The following RESF1 variants were observed in gnomAD, a reference collection of about 807,000 sequenced individuals.
RESF1 encodes retroelement silencing factor 1, also known as gonad expressed transcript.
RESF1 carries 65 observed loss-of-function variants against 134.7 expected under a neutral mutation model. The observed-to-expected ratio is 0.48, with a 90% CI of 0.40 to 0.59. The LOEUF (loss-of-function observed/expected upper bound fraction) is 0.59. RESF1 is among the 20% of genes least tolerant of loss of function. The probability of loss-of-function intolerance (pLI) is 0.00; values close to 1 mark genes in which losing one functional copy is unlikely to be tolerated. For missense variants in RESF1, 2,274 were observed against 2,002.7 expected, an observed-to-expected ratio of 1.14 and a Z score of -2.59; for synonymous variants, 762 against 702.2, an observed-to-expected ratio of 1.09 and a Z score of -1.35.
chr12:31,983,860 A>G lies in RESF1; in HGVS notation c.2905A>G (p.Ile969Val). The G allele has an allele frequency of 6.2e-7, 1 of 1,613,522 alleles. No individual in the cohort carries two copies. Among genetic ancestry groups the G allele is most frequent in the Non-Finnish European group, 8.5e-7 (1 of 1,179,958 alleles). The change falls in exon 4 of 6, where the codon ATA (isoleucine) becomes GTA (valine). Residue 969 changes from isoleucine (I) to valine (V), a missense_variant. By Grantham distance (29) the Ile-to-Val change is conservative. Coordinates refer to ENST00000312561, the MANE Select transcript of RESF1 (RefSeq NM_018169.4). ...PVQCTDVSHK[I>V]CDQSKSEPPL... ...ACAGTGCACAGATGTTTCACATAAA[A>G]TATGTGATCAGTCAAAGTCAGAGCC...
chr12:31,979,759 G>GT (rs1939731589), intron 3 of RESF1, among the ~76,000 whole-genome samples: 1 of 150,254 alleles, frequency 6.7e-6, no homozygotes, highest in East Asian at 2.0e-4. Context: ...GTTTCACTAT[G>GT]TTTCCCAGGC....
At chr12:31,979,478 A>G (rs1373329613) in intron 3 of RESF1, among the ~76,000 whole-genome samples, 2 of 152,136 alleles carry the variant, frequency 1.3e-5, no homozygotes, top group Non-Finnish European at 2.9e-5. Flanking sequence ...CTACCTTCCC[A>G]GCACTTCAGT....
Position 31,992,098 on chromosome 12 carries a change from A to AT in RESF1, c.5087-276dup, listed in dbSNP as rs554908207. ...TCATACTAATGATATGCAATGATAC[A>AT]TTTTATTGAGCCAAGAGTAAGGTAG... On this transcript the variant is annotated intron_variant, in intron 5 of 5. Transcript: ENST00000312561. 4.0e-4 allele frequency among the ~76,000 whole-genome samples: 61 copies of AT among 152,338 alleles called. 1 individual carries two copies. The highest frequency in any genetic ancestry group is 7.1e-4 in the Non-Finnish European group (48 of 68,030).
chr12:31,977,178 AG>A (rs1194539593), intron 3 of RESF1, among the ~76,000 whole-genome samples: 1 of 152,058 alleles, frequency 6.6e-6, no homozygotes, highest in Non-Finnish European at 1.5e-5. Flanking sequence ...GAGGGCATAA[AG>A]ATATTCTCAT....
In RESF1 at chr12:31,992,781, T is replaced by G. The variant is rs1344668189; in HGVS notation, c.*246T>G. The G allele has an allele frequency of 2.2e-6, 1 of 456,368 alleles. No individual in the cohort carries two copies. The highest frequency in any genetic ancestry group is 2.0e-5 in the African/African-American group (1 of 50,334). 28.3% of individuals were successfully genotyped at this position (456,368 alleles called of 1,614,324 possible). A position where few individuals can be genotyped will look rare whatever the true frequency, so the allele number is the denominator to read the frequency against. ...GAATTTCTACTTTATTGAACCAGAT[T>G]TACCATTATTTTAAAAGGAATGCTT... is the stretch of plus-strand genomic sequence containing the variant. On this transcript the variant is annotated 3_prime_UTR_variant, in exon 6 of 6. Transcript: ENST00000312561.
chr12:31,979,434 A>G (rs1206330440), intron 3 of RESF1, among the ~76,000 whole-genome samples: 1 of 152,228 alleles, frequency 6.6e-6, no homozygotes, highest in African/African-American at 2.4e-5. Context: ...CCAACTGGCT[A>G]TAAAGCAAAC....
chr12:31,988,928 A>C (rs1477505985), intron 5 of RESF1, among the ~76,000 whole-genome samples: 1 of 151,732 alleles, frequency 6.6e-6, no homozygotes, highest in African/African-American at 2.4e-5. Context: ...TCCTGAACTC[A>C]GGTGATCCAC....
chr12:31,985,911 G>A lies in RESF1; in HGVS notation c.4956G>A (p.Arg1652=). Residue 1652 remains arginine, a synonymous_variant, in exon 4 of 6, where the codon CGG becomes CGA. Transcript: ENST00000312561. The part of the protein sequence containing the change: ...LLKNTNSVEE[R]KDVKPHPRKE... Reference sequence around the variant, plus strand: ...AGAATACAAACTCTGTGGAAGAACGGAAGGATGTAAAGCCTCATCCTAGGA... The same window carrying A: ...AGAATACAAACTCTGTGGAAGAACGAAAGGATGTAAAGCCTCATCCTAGGA... 1 of 1,510,804 alleles carries A rather than the reference G, an allele frequency of 6.6e-7. No individual in the cohort carries two copies. The highest frequency in any genetic ancestry group is 8.8e-7 in the Non-Finnish European group (1 of 1,137,610). The allele number at this position is 1,510,804 out of a possible 1,614,324, so 93.6% of individuals were successfully genotyped here.
chr12:31,981,637 G>C lies in RESF1; in HGVS notation c.682G>C (p.Asp228His), dbSNP rs1042914009. 6.2e-7 allele frequency: 1 copy of C among 1,614,004 alleles called. No homozygotes were observed. Among genetic ancestry groups the C allele is most frequent in the Admixed American group, 1.7e-5 (1 of 59,998 alleles). The change falls in exon 4 of 6, where the codon GAT becomes CAT. Residue 228 changes from aspartate to histidine, a missense_variant. Transcript: ENST00000312561. ...TTACTCACCACAAAGCTTTTTACCA[G>C]ATTCTACCATTCAAAAACAAAACTT... The part of the protein sequence containing the change: ...YRYSPQSFLP[D>H]STIQKQNFIP...
At chr12:31,979,592 G>A (rs2120836679) in intron 3 of RESF1, among the ~76,000 whole-genome samples, 1 of 152,122 alleles carries the variant, frequency 6.6e-6, no homozygotes, top group South Asian at 2.1e-4. Context: ...GGCTGGAGTG[G>A]AGTGGTGCCA....
intron 2 of RESF1, among the ~76,000 whole-genome samples, 172 bp downstream of exon 2, chr12:31,961,043 A>G (rs914457990): frequency 5.9e-5 from 9 of 152,232 alleles, no homozygotes; most frequent in Non-Finnish European, 8.8e-5. Context: ...TTGAGAAGAA[A>G]TGTTGTTGGC....
chr12:31,960,728 C>T (rs1237585043), intron 1 of RESF1, 49 bp from the exon 2 acceptor site: 3 of 152,160 alleles, frequency 2.0e-5, no homozygotes, highest in Admixed American at 2.0e-4. Flanking sequence ...ATCTAGTAAA[C>T]ACATTAGCAT....
chr12:31,974,180 G>A (rs779243571), intron 3 of RESF1, among the ~76,000 whole-genome samples: 6 of 151,396 alleles, frequency 4.0e-5, no homozygotes, highest in Non-Finnish European at 2.9e-5. Flanking sequence ...CCCACCCTAC[G>A]GTCACCTCTA....
chr12:31,961,558 G>T (rs899592875), intron 2 of RESF1, among the ~76,000 whole-genome samples: 9 of 152,244 alleles, frequency 5.9e-5, no homozygotes, highest in Non-Finnish European at 1.2e-4. Flanking sequence ...CATGTTAGAG[G>T]AAATAGATTT....
intron 2 of RESF1, among the ~76,000 whole-genome samples, chr12:31,962,001 T>C (rs1215980626): frequency 1.3e-5 from 2 of 152,182 alleles, no homozygotes; most frequent in Admixed American, 6.5e-5. Context: ...GGCAGGCAGA[T>C]CACTTGAGGC....
chr12:31,971,604 A>G (rs1394043062), intron 3 of RESF1, among the ~76,000 whole-genome samples: 1 of 152,230 alleles, frequency 6.6e-6, no homozygotes, highest in Non-Finnish European at 1.5e-5. Flanking sequence ...TTGTGATATT[A>G]TGAAATATAT....
Position 31,982,213 on chromosome 12 carries a change from C to G in RESF1, c.1258C>G (p.Leu420Val), listed in dbSNP as rs762344134. 1.2e-6 allele frequency: 2 copies of G among 1,612,192 alleles called. No homozygotes were observed. The highest frequency in any genetic ancestry group is 1.3e-5 in the African/African-American group (1 of 74,866). Residue 420 changes from leucine to valine, a missense_variant, in exon 4 of 6, where the codon CTT (leucine) becomes GTT (valine). Leu to Val is a conservative substitution (Grantham distance 32, BLOSUM62 1). Transcript: ENST00000312561. ...LARKIKINKD[L>V]LMAAGCIKMT... Reference sequence around the variant, plus strand: ...AAGGAAAATTAAAATCAATAAAGATCTTTTGATGGCAGCAGGTTGTATTAA... The same window carrying G: ...AAGGAAAATTAAAATCAATAAAGATGTTTTGATGGCAGCAGGTTGTATTAA...
rs1013289822 is a variant in RESF1, at chr12:31,982,880, G to A, written c.1925G>A (p.Gly642Asp). The change falls in exon 4 of 6, where the codon GGC becomes GAC. Residue 642 changes from glycine (G) to aspartate (D), a missense_variant. By Grantham distance (94) the Gly-to-Asp change is moderately conservative. Transcript: ENST00000312561. ...ACTCCAAGTACTTCTAATGTAAGTG[G>A]CAGGGTTTTGGACAACTCCTTTTGC... ...METPSTSNVSGRVLDNSFCSG... is the reference protein window; with the variant it reads ...METPSTSNVSDRVLDNSFCSG... 6.2e-7 allele frequency: 1 copy of A among 1,614,090 alleles called. No individual in the cohort carries two copies. The highest frequency in any genetic ancestry group is 1.3e-5 in the African/African-American group (1 of 75,042).
chr12:31,988,296 G>A (rs1023650119), intron 5 of RESF1, among the ~76,000 whole-genome samples: 14 of 152,002 alleles, frequency 9.2e-5, no homozygotes, highest in African/African-American at 1.5e-4. Context: ...TGCGTGTTCC[G>A]TATCTGTGGA....
Sources: allele counts gnomAD v4.1 joint callset (sites outside exome capture counted in the v4.1 genomes callset), GRCh38; gene constraint gnomAD v4.1.1; transcripts MANE v1.5; gene names NCBI Gene and HGNC (gene_info 2026-07-23, HGNC 2026-07-21).